Variants in PUM1 observed in about 807,000 individuals in gnomAD.
The protein encoded by PUM1 is pumilio homolog 1.
A neutral mutation model predicts 131.8 loss-of-function variants in PUM1; 13 were observed. That is an observed-to-expected ratio of 0.10 (90% CI 0.06 to 0.16). PUM1 has a LOEUF of 0.16. Among genes scored for constraint, PUM1 ranks in the 10% least tolerant of loss-of-function variants. PUM1 has a pLI of 1.00. For synonymous variants in PUM1, 509 were observed against 556.5 expected (o/e 0.91, Z 1.20); for missense variants, 961 against 1,512.4 (o/e 0.64, Z 6.05).
intron 2 of PUM1, among the ~76,000 whole-genome samples, chr1:31,057,151 C>A (rs1374094613): frequency 6.6e-6 from 1 of 152,124 alleles, no homozygotes; most frequent in Admixed American, 6.5e-5. Context: ...CACTTGCAAT[C>A]CCAGCACTCT....
intron 20 of PUM1, among the ~76,000 whole-genome samples, chr1:30,940,426 A>G (rs1323411804): frequency 6.6e-6 from 1 of 152,192 alleles, no homozygotes; most frequent in Non-Finnish European, 1.5e-5. Flanking sequence ...CAGTGAGCCG[A>G]CACTGTGCCA....
In PUM1 at chr1:30,957,331, A is replaced by G. The variant is rs193006342; in HGVS notation, c.2324-3350T>C. Among the ~76,000 whole-genome samples the G allele has an allele frequency of 3.9e-5, 6 of 152,368 alleles. No homozygotes were observed. The East Asian group carries it at 7.7e-4, about 20-fold the overall frequency. On this transcript the variant is annotated intron_variant, in intron 14 of 21. Transcript: ENST00000426105. ...AAAATGCGTGACAAATAGTAAATAA[A>G]TATCTGACCATCAGTAAGTATTTGT...
chr1:31,010,868 AAAC>A (rs1557584557), intron 3 of PUM1, among the ~76,000 whole-genome samples: 1 of 152,220 alleles, frequency 6.6e-6, no homozygotes, highest in Non-Finnish European at 1.5e-5. Flanking sequence ...TATGAGGCTT[AAAC>A]AACTGTCTTG....
intron 21 of PUM1, among the ~76,000 whole-genome samples, chr1:30,935,373 C>T (rs1397797063): frequency 1.3e-5 from 2 of 152,168 alleles, no homozygotes; most frequent in Non-Finnish European, 2.9e-5. Flanking sequence ...ACACCCTGCC[C>T]ATTCCTGGAC....
intron 2 of PUM1, among the ~76,000 whole-genome samples, chr1:31,031,080 T>TA (rs1643412121): frequency 6.6e-6 from 1 of 152,108 alleles, no homozygotes; most frequent in African/African-American, 2.4e-5. Context: ...GCACAATAAA[T>TA]AGACTCATAA....
intron 5 of PUM1, among the ~76,000 whole-genome samples, chr1:30,998,292 G>A (rs1642058398): frequency 6.6e-6 from 1 of 152,156 alleles, no homozygotes; most frequent in South Asian, 2.1e-4. Flanking sequence ...TGACTTCTGA[G>A]TAAAAACAAA....
chr1:31,038,972 A>ATTTTTTTTTTTTTTTTT (rs1557599132), intron 2 of PUM1, among the ~76,000 whole-genome samples: 2 of 30,100 alleles, frequency 6.6e-5, no homozygotes, highest in African/African-American at 5.7e-4. Context: ...ATATATATAT[A>ATTTTTTTTTTTTTTTTT]TATATATATA....
intron 1 of PUM1, among the ~76,000 whole-genome samples, chr1:31,065,175 G>A (rs574496265): frequency 3.9e-5 from 6 of 152,218 alleles, no homozygotes; most frequent in African/African-American, 1.2e-4. Flanking sequence ...CTCCTCCGGC[G>A]CTGCCACGGA....
intron 2 of PUM1, among the ~76,000 whole-genome samples, chr1:31,038,958 T>TATATATACATA (rs1553152630): frequency 2.3e-5 from 1 of 43,984 alleles, no homozygotes; most frequent in Non-Finnish European, 3.7e-5. Flanking sequence ...TTTTAAAATT[T>TATATATACATA]TATATATATA....
At chr1:31,027,043 C>A (rs539887198) in intron 3 of PUM1, among the ~76,000 whole-genome samples, 1 of 151,578 alleles carries the variant, frequency 6.6e-6, no homozygotes, top group East Asian at 1.9e-4. Flanking sequence ...TTACCCTCTA[C>A]TGAAATTGTT....
intron 3 of PUM1, among the ~76,000 whole-genome samples, chr1:31,025,841 C>T (rs935559172): frequency 6.6e-6 from 1 of 152,096 alleles, no homozygotes. Context: ...CAGGCGTGAG[C>T]CACCACGCCC....
At chr1:31,064,429 G>A (rs1229252424) in intron 1 of PUM1, among the ~76,000 whole-genome samples, 2 of 152,080 alleles carry the variant, frequency 1.3e-5, no homozygotes, top group African/African-American at 4.8e-5. Context: ...AATTAGCAAA[G>A]GGTCAAAATG....
intron 12 of PUM1, 45 bp from the exon 13 acceptor site, chr1:30,966,323 C>A (rs746658626): frequency 6.6e-7 from 1 of 1,510,034 alleles, no homozygotes; most frequent in African/African-American, 1.4e-5. Flanking sequence ...AGGGACTGGC[C>A]ACATTTCCAA....
chr1:31,008,946 G>A (rs1642491647), intron 3 of PUM1, among the ~76,000 whole-genome samples: 3 of 151,622 alleles, frequency 2.0e-5, no homozygotes, highest in Admixed American at 2.0e-4. Context: ...GGCCAAGGCA[G>A]GAGCATCACA....
In PUM1 at chr1:31,047,734, C is replaced by T. The variant is rs7536143; in HGVS notation, c.363+11470G>A. ...GAGGTGGGTGGATCACCTGAGGTCACGTGTTCGAGACATCCTGGCCAACAC... is the reference window on the plus strand; with the variant it reads ...GAGGTGGGTGGATCACCTGAGGTCATGTGTTCGAGACATCCTGGCCAACAC... On this transcript the variant is annotated intron_variant, in intron 2 of 21. Coordinates refer to ENST00000426105, the MANE Select transcript of PUM1 (RefSeq NM_001020658.2). Among the ~76,000 whole-genome samples, 170 of 152,116 alleles carry T rather than the reference C, an allele frequency of 1.1e-3. 1 individual carries two copies. Among genetic ancestry groups the T allele is most frequent in the Middle Eastern group, 6.8e-3 (2 of 294 alleles).
chr1:30,951,403 A>C (rs1218848460), intron 16 of PUM1, among the ~76,000 whole-genome samples: 2 of 152,240 alleles, frequency 1.3e-5, no homozygotes, highest in Non-Finnish European at 2.9e-5. Context: ...AAACTTGGGA[A>C]GGTAAAACTT....
At chr1:30,940,148 T>C (rs376550268) in intron 20 of PUM1, among the ~76,000 whole-genome samples, 2 of 152,198 alleles carry the variant, frequency 1.3e-5, no homozygotes, top group African/African-American at 4.8e-5. Flanking sequence ...TCTCTGTTTT[T>C]CCATGCTGTG....
intron 3 of PUM1, among the ~76,000 whole-genome samples, chr1:31,015,180 A>G (rs1389939206): frequency 6.6e-6 from 1 of 152,222 alleles, no homozygotes; most frequent in Non-Finnish European, 1.5e-5. Flanking sequence ...TTGTTAGTGC[A>G]CTGGGATTGT....
intron 9 of PUM1, among the ~76,000 whole-genome samples, chr1:30,978,023 T>A (rs756897862): frequency 8.5e-5 from 13 of 152,092 alleles, no homozygotes; most frequent in Non-Finnish European, 1.5e-4. Flanking sequence ...GGAGGGTGGA[T>A]CACTTTAAGT....
Sources: gnomAD v4.1 joint callset for allele counts (sites outside exome capture counted in the v4.1 genomes callset) on GRCh38, gnomAD v4.1.1 for gene constraint, MANE v1.5 for transcripts, NCBI Gene and HGNC (gene_info 2026-07-23, HGNC 2026-07-21) for gene names.